WWOX: variants seen among roughly 807,000 people sequenced by gnomAD.
WWOX encodes the protein WW domain containing oxidoreductase.
WWOX carries 69 observed loss-of-function variants against 46.2 expected under a neutral mutation model. The observed-to-expected ratio is 1.49, with a 90% CI of 1.23 to 1.82. The LOEUF is 1.82. Among genes scored for constraint, WWOX ranks in the 40% most tolerant of loss-of-function variants. The probability of loss-of-function intolerance (pLI) is 0.00; values close to 1 mark genes in which losing one functional copy is unlikely to be tolerated. For synonymous variants in WWOX, 359 were observed against 202.6 expected (o/e 1.77, Z -6.56); for missense variants, 919 against 542.6 (o/e 1.69, Z -6.89).
intron 8 of WWOX, among the ~76,000 whole-genome samples, chr16:78,951,378 C>G (rs1043966928): frequency 5.3e-5 from 8 of 152,122 alleles, no homozygotes; most frequent in South Asian, 4.1e-4. Context: ...CTCATTGGCC[C>G]TCAGTGGGTC....
chr16:78,650,456 C>T (rs906429496), intron 8 of WWOX, among the ~76,000 whole-genome samples: 1 of 152,144 alleles, frequency 6.6e-6, no homozygotes, highest in Admixed American at 6.6e-5. Context: ...CTAGGCTGTC[C>T]ACCATGACAT....
intron 8 of WWOX, among the ~76,000 whole-genome samples, chr16:78,909,247 G>A (rs998225163): frequency 6.6e-6 from 1 of 152,152 alleles, no homozygotes; most frequent in African/African-American, 2.4e-5. Flanking sequence ...TGTGCCACGT[G>A]ATTATTTTGT....
At chr16:78,836,586 C>T (rs2051991454) in intron 8 of WWOX, among the ~76,000 whole-genome samples, 1 of 152,196 alleles carries the variant, frequency 6.6e-6, no homozygotes, top group Non-Finnish European at 1.5e-5. Flanking sequence ...AGTTCCTGCA[C>T]TGCACCAGGC....
intron 8 of WWOX, among the ~76,000 whole-genome samples, chr16:78,732,280 G>C (rs1269102118): frequency 6.6e-6 from 1 of 152,138 alleles, no homozygotes; most frequent in Non-Finnish European, 1.5e-5. Flanking sequence ...GTCTGGTTGT[G>C]TCTCTCACTC....
chr16:78,532,073 T>A (rs939041951), intron 8 of WWOX, among the ~76,000 whole-genome samples: 1 of 151,692 alleles, frequency 6.6e-6, no homozygotes, highest in Admixed American at 6.6e-5. Flanking sequence ...GTTTTTTTTT[T>A]TTTTCTTTTT....
intron 8 of WWOX, among the ~76,000 whole-genome samples, chr16:78,542,110 C>T (rs539093779): frequency 2.1e-5 from 3 of 143,978 alleles, no homozygotes; most frequent in South Asian, 2.4e-4. Flanking sequence ...TAAAGTAATA[C>T]TTCTTGGAGA....
At chr16:79,007,572 G>C (rs2047215126) in intron 8 of WWOX, among the ~76,000 whole-genome samples, 1 of 152,194 alleles carries the variant, frequency 6.6e-6, no homozygotes, top group African/African-American at 2.4e-5. Flanking sequence ...CACTACATAG[G>C]CATGCTACTT....
intron 5 of WWOX, among the ~76,000 whole-genome samples, chr16:78,314,107 C>G (rs181774284): frequency 3.9e-5 from 6 of 152,076 alleles, no homozygotes; most frequent in African/African-American, 1.4e-4. Flanking sequence ...CAAAGCACTT[C>G]TAAGAAAGTA....
chr16:79,041,301 T>G (rs1597315826), intron 8 of WWOX, among the ~76,000 whole-genome samples: 1 of 152,302 alleles, frequency 6.6e-6, no homozygotes, highest in South Asian at 2.1e-4. Context: ...CCCTCCCGCT[T>G]GTCCCCCAGC....
At chr16:78,821,426 A>C (rs1287391895) in intron 8 of WWOX, among the ~76,000 whole-genome samples, 3 of 152,100 alleles carry the variant, frequency 2.0e-5, no homozygotes, top group Non-Finnish European at 2.9e-5. Flanking sequence ...CTCATTTTGA[A>C]AACCCGGTGG....
chr16:79,136,081 T>C lies in WWOX; in HGVS notation c.1057-75527T>C, dbSNP rs1196976485. Among the ~76,000 whole-genome samples, 3 of 152,218 alleles carry C rather than the reference T, an allele frequency of 2.0e-5. No individual in the cohort carries two copies. The East Asian group carries it at 5.8e-4, about 29-fold the overall frequency. ...AATATACTCTGAATGCACAGTGAAT[T>C]TGGCAGAATACCATTTAAGTCTTGT... On this transcript the variant is annotated intron_variant, in intron 8 of 8. Transcript: ENST00000566780.
At chr16:78,380,993 T>C (rs1025365069) in intron 5 of WWOX, among the ~76,000 whole-genome samples, 1 of 152,182 alleles carries the variant, frequency 6.6e-6, no homozygotes, top group Admixed American at 6.5e-5. Flanking sequence ...GGCAATACTA[T>C]TATGCTCATT....
intron 8 of WWOX, among the ~76,000 whole-genome samples, chr16:78,900,040 T>C (rs950839770): frequency 5.4e-5 from 8 of 148,758 alleles, no homozygotes; most frequent in Non-Finnish European, 1.2e-4. Flanking sequence ...AGATGTGCAA[T>C]ATACAAGCCC....
intron 8 of WWOX, among the ~76,000 whole-genome samples, chr16:78,689,472 T>G (rs1362035066): frequency 6.6e-6 from 1 of 152,206 alleles, no homozygotes; most frequent in African/African-American, 2.4e-5. Context: ...AGAGCCCACT[T>G]CTCAACTAGA....
chr16:78,379,381 AAG>A (rs2081902799), intron 5 of WWOX, among the ~76,000 whole-genome samples: 1 of 152,096 alleles, frequency 6.6e-6, no homozygotes, highest in African/African-American at 2.4e-5. Context: ...CCCCAGTTAA[AAG>A]AGAATTTCCT....
chr16:79,026,044 G>C (rs1353474157), intron 8 of WWOX, among the ~76,000 whole-genome samples: 1 of 151,442 alleles, frequency 6.6e-6, no homozygotes, highest in East Asian at 1.9e-4. Context: ...CAGGCGATCT[G>C]CCTGTCTTGG....
intron 8 of WWOX, among the ~76,000 whole-genome samples, chr16:78,475,721 C>T (rs929348780): frequency 6.6e-6 from 1 of 152,084 alleles, no homozygotes; most frequent in Non-Finnish European, 1.5e-5. Context: ...TCAGCCTCCC[C>T]AGTAGCTGGG....
At chr16:78,960,739 T>C (rs1244566630) in intron 8 of WWOX, among the ~76,000 whole-genome samples, 2 of 152,204 alleles carry the variant, frequency 1.3e-5, no homozygotes, top group Admixed American at 1.3e-4. Context: ...ACAGCACTTG[T>C]TCCAAAAGGA....
intron 8 of WWOX, among the ~76,000 whole-genome samples, chr16:78,457,341 T>A (rs760026104): frequency 6.6e-6 from 1 of 152,220 alleles, no homozygotes; most frequent in Non-Finnish European, 1.5e-5. Flanking sequence ...TTGCTACTTG[T>A]TCTCTTGGTT....
Sources: gnomAD v4.1 joint callset for allele counts (sites outside exome capture counted in the v4.1 genomes callset) on GRCh38, gnomAD v4.1.1 for gene constraint, MANE v1.5 for transcripts, NCBI Gene and HGNC (gene_info 2026-07-23, HGNC 2026-07-21) for gene names.